The following NFX1 variants were observed in gnomAD, a reference collection of about 807,000 sequenced individuals.
NFX1 encodes nuclear transcription factor, X-box binding 1, also known as transcriptional repressor NF-X1.
Under a neutral mutation model 137.2 loss-of-function variants are expected in NFX1, and 69 were observed. The ratio of observed to expected loss-of-function variants is 0.50; its 90% CI spans 0.41 to 0.61. NFX1 has a LOEUF of 0.61. Ranked by LOEUF, NFX1 falls within the 20% of genes least tolerant of loss-of-function variation. The pLI, the probability that NFX1 is intolerant of heterozygous loss-of-function variation, is 0.00. For missense variants in NFX1, 1,167 were observed against 1,391.0 expected, an observed-to-expected ratio of 0.84 and a Z score of 2.56; for synonymous variants, 495 against 474.1, an observed-to-expected ratio of 1.04 and a Z score of -0.57.
intron 23 of NFX1, among the ~76,000 whole-genome samples, chr9:33,368,264 A>T (rs1391155680): frequency 6.6e-6 from 1 of 152,006 alleles, no homozygotes; most frequent in East Asian, 1.9e-4. Context: ...TACTCTGAAG[A>T]TGCAAGTGGG....
At position 33,328,696 on chromosome 9, in the gene NFX1, C is replaced by T; in HGVS notation, c.2004+18C>T. The T allele has an allele frequency of 1.3e-6, 2 of 1,571,876 alleles. No homozygotes were observed. Among genetic ancestry groups the T allele is most frequent in the South Asian group, 1.1e-5 (1 of 89,466 alleles). On this transcript the variant is annotated intron_variant, in intron 10 of 23. Coordinates refer to ENST00000379540, the MANE Select transcript of NFX1 (RefSeq NM_002504.6). ...GAACAAAGGTAAATCCTAAACAATG[C>T]TAGAGTTGTTGCCATCAATGTTTTC...
At chr9:33,340,117 C>T (rs1240155614) in intron 12 of NFX1, among the ~76,000 whole-genome samples, 1 of 152,240 alleles carries the variant, frequency 6.6e-6, no homozygotes, top group Non-Finnish European at 1.5e-5. Context: ...CGTGTGGGGG[C>T]TGCAACCCCA....
At chr9:33,342,567 C>T (rs1203719979) in intron 12 of NFX1, among the ~76,000 whole-genome samples, 179 bp from the exon 13 acceptor site, 2 of 152,198 alleles carry the variant, frequency 1.3e-5, no homozygotes, top group African/African-American at 2.4e-5. Context: ...CACCTCATGA[C>T]GAATTTTGTT....
chr9:33,356,554 T>G (rs1239211679), intron 19 of NFX1, among the ~76,000 whole-genome samples: 5 of 152,186 alleles, frequency 3.3e-5, no homozygotes, highest in Non-Finnish European at 5.9e-5. Context: ...ACTTTTCATG[T>G]CCTATTTAGA....
At chr9:33,357,382 G>C (rs1049979345) in intron 19 of NFX1, among the ~76,000 whole-genome samples, 2 of 152,010 alleles carry the variant, frequency 1.3e-5, no homozygotes, top group Non-Finnish European at 2.9e-5. Flanking sequence ...CTGTTCAACT[G>C]CACTAGTATC....
In NFX1 at chr9:33,370,730, C is replaced by G. The variant is rs1472078599; in HGVS notation, c.*752C>G. On this transcript the variant is annotated 3_prime_UTR_variant, in exon 24 of 24. Transcript: ENST00000379540. Reference sequence around the variant, plus strand: ...CCATGATGGTAGGAAATATAGAGAGCAAGTTCTTCTGCCAGGGTCACACTG... The same window carrying G: ...CCATGATGGTAGGAAATATAGAGAGGAAGTTCTTCTGCCAGGGTCACACTG... 1 of 152,226 alleles carries G rather than the reference C, an allele frequency of 6.6e-6. No individual in the cohort carries two copies. Among genetic ancestry groups the G allele is most frequent in the African/African-American group, 2.4e-5 (1 of 41,452 alleles). 9.4% of individuals were successfully genotyped at this position (152,226 alleles called of 1,614,324 possible). A position where few individuals can be genotyped will look rare whatever the true frequency, so the allele number is the denominator to read the frequency against.
At position 33,290,530 on chromosome 9, in the gene NFX1, G is replaced by C; in HGVS notation, c.-43G>C. The stretch of plus-strand genomic sequence containing the variant: ...CCGGGGCACGTGACCTGGTGACAGT[G>C]CTGACTTGGCTGTACAGCTCGATCT... On this transcript the variant is annotated 5_prime_UTR_variant, in exon 1 of 24. Transcript: ENST00000379540. 3 of 1,612,544 alleles carry C rather than the reference G, an allele frequency of 1.9e-6. No individual in the cohort carries two copies. Among genetic ancestry groups the C allele is most frequent in the Non-Finnish European group, 2.5e-6 (3 of 1,178,798 alleles).
intron 23 of NFX1, among the ~76,000 whole-genome samples, 160 bp from the exon 24 acceptor site, chr9:33,369,746 G>T (rs1824272705): frequency 6.6e-6 from 1 of 152,098 alleles, no homozygotes; most frequent in African/African-American, 2.4e-5. Context: ...TAAAAAAATT[G>T]CTCACAAAGG....
At chr9:33,310,890 G>T (rs1445782905) in intron 5 of NFX1, among the ~76,000 whole-genome samples, 1 of 152,208 alleles carries the variant, frequency 6.6e-6, no homozygotes, top group Non-Finnish European at 1.5e-5. Context: ...TACTTCTGTG[G>T]TTAAATAGTC....
At chr9:33,337,169 C>T (rs1361676454) in intron 11 of NFX1, among the ~76,000 whole-genome samples, 1 of 152,178 alleles carries the variant, frequency 6.6e-6, no homozygotes, top group Non-Finnish European at 1.5e-5. Context: ...CTCAGCCAGC[C>T]TTCCATATCC....
At chr9:33,325,626 T>C (rs1822556295) in intron 9 of NFX1, among the ~76,000 whole-genome samples, 1 of 152,000 alleles carries the variant, frequency 6.6e-6, no homozygotes, top group African/African-American at 2.4e-5. Context: ...ATTGCGCCAC[T>C]GCACTCCAGC....
rs76870694 is a variant in NFX1, at chr9:33,306,213, G to T, written c.1271-981G>T. On this transcript the variant is annotated intron_variant, in intron 4 of 23. Transcript: ENST00000379540. ...AAAATTGACACAACTTGGTGATTAA[G>T]TAGAAAGAGGTGTCAGAGATGACTG... 8.4e-3 allele frequency among the ~76,000 whole-genome samples: 1,286 copies of T among 152,282 alleles called. 23 individuals carry two copies. The highest frequency in any genetic ancestry group is 0.029 in the African/African-American group (1,207 of 41,544).
intron 18 of NFX1, among the ~76,000 whole-genome samples, chr9:33,354,394 C>A (rs558720413): frequency 6.6e-6 from 1 of 152,184 alleles, no homozygotes; most frequent in South Asian, 2.1e-4. Context: ...CTTTTCCAGG[C>A]CTCACAGTAA....
intron 9 of NFX1, among the ~76,000 whole-genome samples, chr9:33,323,362 G>T (rs908226601): frequency 6.6e-6 from 1 of 152,142 alleles, no homozygotes; most frequent in Non-Finnish European, 1.5e-5. Context: ...TATGAAATGT[G>T]CAAAGAAACA....
chr9:33,337,288 A>C (rs1823042370), intron 11 of NFX1, among the ~76,000 whole-genome samples: 1 of 152,250 alleles, frequency 6.6e-6, no homozygotes, highest in Non-Finnish European at 1.5e-5. Context: ...ATTTTCTAAT[A>C]GCATTTACAT....
intron 19 of NFX1, among the ~76,000 whole-genome samples, chr9:33,362,959 C>T (rs1824048964): frequency 6.6e-6 from 1 of 151,920 alleles, no homozygotes; most frequent in East Asian, 1.9e-4. Flanking sequence ...CCGCCTCGGC[C>T]TCCCAAAGTG....
chr9:33,301,106 C>T (rs551004114), intron 2 of NFX1, among the ~76,000 whole-genome samples, 157 bp from the exon 3 acceptor site: 2 of 152,344 alleles, frequency 1.3e-5, no homozygotes, highest in African/African-American at 2.4e-5. Context: ...TGGCCTCAGT[C>T]TGAATAGCCA....
intron 7 of NFX1, 142 bp from the exon 8 acceptor site, chr9:33,318,589 C>T (rs917383416): frequency 6.3e-5 from 45 of 709,338 alleles, no homozygotes; most frequent in Admixed American, 1.7e-4. Flanking sequence ...TAGGTCTGAT[C>T]AGTACTCTAT....
intron 6 of NFX1, 143 bp from the exon 7 acceptor site, chr9:33,313,511 G>A (rs1026733728): frequency 1.1e-5 from 7 of 666,410 alleles, no homozygotes; most frequent in Non-Finnish European, 1.8e-5. Context: ...TTGGAGGAGG[G>A]AGACATAGGA....
Sources: gnomAD v4.1 joint callset for allele counts (sites outside exome capture counted in the v4.1 genomes callset) on GRCh38, gnomAD v4.1.1 for gene constraint, MANE v1.5 for transcripts, NCBI Gene and HGNC (gene_info 2026-07-23, HGNC 2026-07-21) for gene names.